EPHX3: variants seen among roughly 807,000 people sequenced by gnomAD.
The protein encoded by EPHX3 is abhydrolase domain containing 9.
In EPHX3, 39 loss-of-function variants were observed where a neutral mutation model predicts 40.2. The observed-to-expected ratio is 0.97, with a 90% confidence interval of 0.75 to 1.27. The LOEUF (loss-of-function observed/expected upper bound fraction) is 1.27. EPHX3 is among the 50% of genes most tolerant of loss of function. The pLI, the probability that EPHX3 is intolerant of heterozygous loss-of-function variation, is 0.00. For synonymous variants in EPHX3, 213 were observed against 209.7 expected (o/e 1.02, Z -0.14); for missense variants, 442 against 474.0 (o/e 0.93, Z 0.63).
intron 2 of EPHX3, 114 bp from the exon 3 acceptor site, chr19:15,231,510 A>C: frequency 2.9e-5 from 39 of 1,325,742 alleles, no homozygotes; most frequent in Non-Finnish European, 3.7e-5. Flanking sequence ...CTTCCCCTAA[A>C]AGGAGGATGG....
chr19:15,233,076 AGAG>A (rs1253979365), upstream of EPHX3: 1 of 142,774 alleles, frequency 7.0e-6, no homozygotes. Flanking sequence ...GGTGGATCCT[AGAG>A]GAGGTGAGGC....
intron 4 of EPHX3, among the ~76,000 whole-genome samples, chr19:15,230,731 G>A (rs2047147546): frequency 6.7e-6 from 1 of 150,146 alleles, no homozygotes; most frequent in Non-Finnish European, 1.5e-5. Flanking sequence ...GGCCTCAAGT[G>A]ATCCTCCCAC....
rs2047161569 is a variant in EPHX3 at position 15,232,237 on chromosome 19, G to A, written c.-26C>T. Reference sequence around the variant, plus strand: ...GTCGCCGCGCTCCGGGACCACGGCGGCGCTGCCGGCCAGGGGCACCTGCAG... The same window carrying A: ...GTCGCCGCGCTCCGGGACCACGGCGACGCTGCCGGCCAGGGGCACCTGCAG... On this transcript the variant is annotated 5_prime_UTR_variant, in exon 1 of 7. Transcript: ENST00000221730. The A allele has an allele frequency of 2.0e-6, 3 of 1,464,654 alleles. No individual in the cohort carries two copies. The highest frequency in any genetic ancestry group is 2.7e-6 in the Non-Finnish European group (3 of 1,119,844). 90.7% of individuals were successfully genotyped at this position (1,464,654 alleles called of 1,614,324 possible). A position where few individuals can be genotyped will look rare whatever the true frequency, so the allele number is the denominator to read the frequency against.
upstream of EPHX3, chr19:15,235,463 ATCTCCCCGCT>A (rs1308603813): frequency 1.3e-5 from 2 of 150,678 alleles, no homozygotes; most frequent in African/African-American, 4.9e-5. Flanking sequence ...CCCCGCCCTC[ATCTCCCCGCT>A]TCTCCCAAGT....
upstream of EPHX3, chr19:15,236,866 T>C (rs2047195667): frequency 5.1e-6 from 1 of 194,228 alleles, no homozygotes; most frequent in Admixed American, 6.1e-5. Context: ...GTTTATTCCA[T>C]GATCAGTACA....
In EPHX3 at chr19:15,231,319, G is replaced by C; in HGVS notation, c.407C>G (p.Pro136Arg). The change falls in exon 3 of 7, where the codon CCC (proline) becomes CGC (arginine). Residue 136 changes from proline (P) to arginine (R), a missense_variant. Physicochemically the swap from Pro to Arg is moderately radical, Grantham distance 103. Transcript: ENST00000221730. Reference sequence around the variant, plus strand: ...GTCCACATCCCGAGGTGCATCCGAGGGGCCATAGCCTCGCAAGTCCACAGC... The same window carrying C: ...GTCCACATCCCGAGGTGCATCCGAGCGGCCATAGCCTCGCAAGTCCACAGC... The part of the protein sequence containing the change: ...VVAVDLRGYG[P>R]SDAPRDVDCY... 6.2e-7 allele frequency: 1 copy of C among 1,613,920 alleles called. No individual in the cohort carries two copies. The highest frequency in any genetic ancestry group is 8.5e-7 in the Non-Finnish European group (1 of 1,180,008).
At chr19:15,228,208 C>T in intron 4 of EPHX3, 108 bp from the exon 5 acceptor site, 1 of 846,126 alleles carries the variant, frequency 1.2e-6, no homozygotes, top group Non-Finnish European at 1.9e-6. Context: ...TCAGGAATGC[C>T]ACTGCTGCCT....
At chr19:15,228,503 A>ATTTTTTTTTTTTTTTTTTTTTTTTTTTTT (rs780716729) in intron 4 of EPHX3, among the ~76,000 whole-genome samples, 1 of 62,700 alleles carries the variant, frequency 1.6e-5, no homozygotes, top group South Asian at 7.9e-4. Context: ...TGTATCTATA[A>ATTTTTTTTTTTTTTTTTTTTTTTTTTTTT]TTTTTTTTTT....
At chr19:15,236,864 C>T (rs565776142), upstream of EPHX3, 1 of 193,600 alleles carries the variant, frequency 5.2e-6, no homozygotes, top group African/African-American at 2.3e-5. Context: ...GTGTTTATTC[C>T]ATGATCAGTA....
chr19:15,231,348 A>G lies in EPHX3; in HGVS notation c.378T>C (p.Val126=). The change falls in exon 3 of 7, where the codon GTT becomes GTC. Residue 126 remains valine (V), a synonymous_variant. Transcript: ENST00000221730. ...QLREFQSRFH[V]VAVDLRGYGP... The stretch of plus-strand genomic sequence containing the variant: ...CATAGCCTCGCAAGTCCACAGCCAC[A>G]ACATGGAAGCGGCTCTGGAACTCCC... 1 of 1,613,948 alleles carries G rather than the reference A, an allele frequency of 6.2e-7. No homozygotes were observed. The highest frequency in any genetic ancestry group is 2.2e-5 in the East Asian group (1 of 44,882).
At position 15,232,447 on chromosome 19, in the gene EPHX3, G is replaced by A; in HGVS notation, c.-236C>T. On this transcript the variant is annotated 5_prime_UTR_variant, in exon 1 of 7. Coordinates refer to ENST00000221730, the MANE Select transcript of EPHX3 (RefSeq NM_024794.3). ...GGCGCGACAGGGACAGGAAACAAGG[G>A]TAGGGTGCGGAGGCTGGGGAGGAAG... is the stretch of plus-strand genomic sequence containing the variant. 1.5e-6 allele frequency: 2 copies of A among 1,344,700 alleles called. No homozygotes were observed. The highest frequency in any genetic ancestry group is 6.3e-5 in the East Asian group (2 of 31,898). The allele number at this position is 1,344,700 out of a possible 1,614,324, so 83.3% of individuals were successfully genotyped here.
upstream of EPHX3, chr19:15,236,765 G>A (rs1053699418): frequency 1.1e-5 from 2 of 176,286 alleles, no homozygotes; most frequent in African/African-American, 4.8e-5. Context: ...AGGTGGTCTG[G>A]GGTCCAGGGG....
chr19:15,228,986 C>T (rs1342248402), intron 4 of EPHX3, among the ~76,000 whole-genome samples: 3 of 151,418 alleles, frequency 2.0e-5, no homozygotes, highest in Non-Finnish European at 4.4e-5. Flanking sequence ...ACAAGACTGT[C>T]TCAAAGGAAA....
chr19:15,234,600 CCTTTATTT>C (rs1391090275), upstream of EPHX3, among the ~76,000 whole-genome samples: 4 of 152,198 alleles, frequency 2.6e-5, no homozygotes, highest in African/African-American at 9.6e-5. Context: ...CCGTGCCTGA[CCTTTATTT>C]CTTGACTTAA....
rs1177349729 is a variant in EPHX3 at position 15,232,199 on chromosome 19, C to A, written c.13G>T (p.Val5Leu). The change falls in exon 1 of 7, where the codon GTG becomes TTG. Residue 5 changes from valine to leucine, a missense_variant. By Grantham distance (32) the Val-to-Leu change is conservative (BLOSUM62 1). Transcript: ENST00000221730. MPEL[V>L]VTALLAPSRL... ...GACGGCGCCAGCAGCGCGGTCACCACCAGCTCCGGCATGTCGCCGCGCTCC... is the reference window on the plus strand; with the variant it reads ...GACGGCGCCAGCAGCGCGGTCACCAACAGCTCCGGCATGTCGCCGCGCTCC... 14 of 1,515,766 alleles carry A rather than the reference C, an allele frequency of 9.2e-6. No individual in the cohort carries two copies. In the East Asian group the frequency reaches 3.7e-4, roughly 40 times the overall value. The allele number at this position is 1,515,766 out of a possible 1,614,324, so 93.9% of individuals were successfully genotyped here.
rs370511610 is a variant in EPHX3, at chr19:15,228,068, G to C, written c.649C>G (p.Arg217Gly). 3.2e-6 allele frequency: 5 copies of C among 1,554,398 alleles called. No individual in the cohort carries two copies. The African/African-American group carries it at 4.1e-5, about 13-fold the overall frequency. ...TGGAACAGGAACATGTAGTGGGAAC[G>C]GAAGAACTGGCTGATGTGGTGCAGG... ...YSLHHISQFF[R>G]SHYMFLFQLP... The change falls in exon 5 of 7, where the codon CGT (arginine) becomes GGT (glycine). Residue 217 changes from arginine to glycine, a missense_variant. Coordinates refer to ENST00000221730, the MANE Select transcript of EPHX3 (RefSeq NM_024794.3).
Position 15,232,079 on chromosome 19 carries a change from T to A in EPHX3, c.133A>T (p.Thr45Ser). The A allele has an allele frequency of 6.4e-7, 1 of 1,566,902 alleles. No homozygotes were observed. Among genetic ancestry groups the A allele is most frequent in the African/African-American group, 1.3e-5 (1 of 74,404 alleles). Residue 45 changes from threonine (T) to serine (S), a missense_variant, in exon 1 of 7, where the codon ACG (threonine) becomes TCG (serine). Physicochemically the swap from Thr to Ser is moderately conservative, Grantham distance 58. Coordinates refer to ENST00000221730, the MANE Select transcript of EPHX3 (RefSeq NM_024794.3). ...CGCCGGGGCCGGCACAGCACGTGCGTGAGCGCTATGCAGCCGTAGACCGCC... is the reference window on the plus strand; with the variant it reads ...CGCCGGGGCCGGCACAGCACGTGCGAGAGCGCTATGCAGCCGTAGACCGCC... ...AAAVYGCIAL[T>S]HVLCRPRRGC...
chr19:15,228,573 C>G (rs1405408287), intron 4 of EPHX3, among the ~76,000 whole-genome samples: 1 of 118,478 alleles, frequency 8.4e-6, no homozygotes, highest in Admixed American at 1.2e-4. Flanking sequence ...GGCTGGAGTG[C>G]AGTGGTGTGA....
chr19:15,236,444 G>A (rs2047192523), upstream of EPHX3: 1 of 151,838 alleles, frequency 6.6e-6, no homozygotes, highest in African/African-American at 2.4e-5. Context: ...TTAAATGAAA[G>A]GAGGAGTTAG....
Sources: gnomAD v4.1 joint callset for allele counts (sites outside exome capture counted in the v4.1 genomes callset) on GRCh38, gnomAD v4.1.1 for gene constraint, MANE v1.5 for transcripts, NCBI Gene and HGNC (gene_info 2026-07-23, HGNC 2026-07-21) for gene names.